Variants in LPP observed in about 807,000 individuals in gnomAD.
LPP encodes LIM domain containing preferred translocation partner in lipoma.
Under a neutral mutation model 60.4 loss-of-function variants are expected in LPP, and 38 were observed. The ratio of observed to expected loss-of-function variants is 0.63; its 90% CI spans 0.49 to 0.83. The LOEUF is 0.83. Ranked by LOEUF, LPP falls within the 40% of genes least tolerant of loss-of-function variation. The pLI, the probability that LPP is intolerant of heterozygous loss-of-function variation, is 0.00. For synonymous variants in LPP, 328 were observed against 290.8 expected (o/e 1.13, Z -1.30); for missense variants, 902 against 783.6 (o/e 1.15, Z -1.80).
At chr3:188,284,038 A>C (rs1426500531) in intron 2 of LPP, among the ~76,000 whole-genome samples, 2 of 152,014 alleles carry the variant, frequency 1.3e-5, no homozygotes, top group Non-Finnish European at 2.9e-5. Context: ...AAGCTCTGGA[A>C]ACATCCTCCA....
rs141779774 is a variant in LPP at position 188,829,267 on chromosome 3, C to T, written c.1411-36933C>T. Among the ~76,000 whole-genome samples, 783 of 152,188 alleles carry T rather than the reference C, an allele frequency of 5.1e-3. 23 individuals carry two copies. The South Asian group carries it at 0.054, about 10-fold the overall frequency. On this transcript the variant is annotated intron_variant, in intron 9 of 11. Transcript: ENST00000617246. Reference sequence around the variant, plus strand: ...AATCACCATACCTTCCCACCTCTTACGGGAATACCGAACTAATGGTCCTTG... The same window carrying T: ...AATCACCATACCTTCCCACCTCTTATGGGAATACCGAACTAATGGTCCTTG...
intron 4 of LPP, among the ~76,000 whole-genome samples, chr3:188,445,606 C>A (rs932970981): frequency 2.0e-5 from 3 of 151,748 alleles, no homozygotes; most frequent in Non-Finnish European, 4.4e-5. Flanking sequence ...CCTGCACGTT[C>A]TGCACATGTA....
intron 9 of LPP, among the ~76,000 whole-genome samples, chr3:188,775,114 A>G (rs56328760): frequency 0.34 from 50,395 of 149,686 alleles, 8,862 homozygotes; most frequent in Middle Eastern, 0.41. Flanking sequence ...GTGTAGTGGC[A>G]CAATCTTGGC....
chr3:188,247,531 C>T lies in LPP; in HGVS notation c.-67+22004C>T, dbSNP rs535543276. Among the ~76,000 whole-genome samples, 7 of 152,032 alleles carry T rather than the reference C, an allele frequency of 4.6e-5. No individual in the cohort carries two copies. The South Asian group carries it at 8.3e-4, about 18-fold the overall frequency. Reference sequence around the variant, plus strand: ...TAAAATGATGTGATCAGGCTGGGTGCGTTGGCTCATGCCTGTAATCCCAGC... The same window carrying T: ...TAAAATGATGTGATCAGGCTGGGTGTGTTGGCTCATGCCTGTAATCCCAGC... On this transcript the variant is annotated intron_variant, in intron 2 of 11. Transcript: ENST00000617246.
intron 4 of LPP, among the ~76,000 whole-genome samples, chr3:188,441,911 C>T (rs1794077393): frequency 6.6e-6 from 1 of 151,968 alleles, no homozygotes; most frequent in South Asian, 2.1e-4. Context: ...GCGTGAGCCA[C>T]CGCGCCCGGC....
chr3:188,173,936 T>C (rs1722340422), intron 1 of LPP, among the ~76,000 whole-genome samples: 1 of 152,204 alleles, frequency 6.6e-6, no homozygotes, highest in Non-Finnish European at 1.5e-5. Context: ...TTTCCCCTCA[T>C]TTTTCCTTAT....
intron 1 of LPP, among the ~76,000 whole-genome samples, chr3:188,174,591 C>G (rs1722541316): frequency 6.6e-6 from 1 of 152,032 alleles, no homozygotes; most frequent in African/African-American, 2.4e-5. Context: ...GGAGCTGAAC[C>G]CTGGAGACAT....
intron 5 of LPP, among the ~76,000 whole-genome samples, chr3:188,509,553 C>T (rs773303302): frequency 6.6e-6 from 1 of 152,082 alleles, no homozygotes; most frequent in Non-Finnish European, 1.5e-5. Flanking sequence ...GAAAAACATT[C>T]ACATTGGAAC....
intron 9 of LPP, among the ~76,000 whole-genome samples, chr3:188,815,315 C>A (rs556842993): frequency 1.3e-5 from 2 of 152,258 alleles, no homozygotes; most frequent in South Asian, 4.1e-4. Context: ...ACAATACAAG[C>A]ATAATTAGAC....
intron 7 of LPP, among the ~76,000 whole-genome samples, chr3:188,628,314 T>G (rs893829125): frequency 1.3e-4 from 20 of 149,608 alleles, no homozygotes; most frequent in Admixed American, 4.7e-4. Context: ...CCAAAAGCTG[T>G]TTTTTTTTGC....
intron 2 of LPP, among the ~76,000 whole-genome samples, chr3:188,262,721 C>G (rs1414172842): frequency 6.6e-6 from 1 of 151,670 alleles, no homozygotes; most frequent in African/African-American, 2.4e-5. Flanking sequence ...CTCTGTCTTT[C>G]TCTCTCTGTC....
In LPP at chr3:188,791,021, G is replaced by C. The variant is rs138045956; in HGVS notation, c.1410+30739G>C. ...TCAAAAATGGTAATAATCCTGCTTA[G>C]GCAGAAGCCTTGCCCTCAGTCCCAA... On this transcript the variant is annotated intron_variant, in intron 9 of 11. Transcript: ENST00000617246. Among the ~76,000 whole-genome samples, 207 of 152,128 alleles carry C rather than the reference G, an allele frequency of 1.4e-3. 1 individual carries two copies. The highest frequency in any genetic ancestry group is 2.4e-3 in the Non-Finnish European group (161 of 68,006).
At chr3:188,320,034 T>G (rs980904292) in intron 2 of LPP, among the ~76,000 whole-genome samples, 15 of 152,240 alleles carry the variant, frequency 9.9e-5, no homozygotes, top group African/African-American at 3.6e-4. Flanking sequence ...TTTCTCATGA[T>G]TAAATTGGGG....
At position 188,793,383 on chromosome 3, in the gene LPP, T is replaced by C. The variant is rs188198818; in HGVS notation, c.1410+33101T>C. Among the ~76,000 whole-genome samples the C allele has an allele frequency of 1.3e-3, 204 of 152,166 alleles. 1 individual carries two copies. The highest frequency in any genetic ancestry group is 4.7e-3 in the African/African-American group (197 of 41,520). On this transcript the variant is annotated intron_variant, in intron 9 of 11. Coordinates refer to ENST00000617246, the MANE Select transcript of LPP (RefSeq NM_001375462.1). ...TTTTAGCAGAGATGGCGTTTTGTCA[T>C]GTTGGAGAGACTGGTCTTGAACTCC...
intron 2 of LPP, among the ~76,000 whole-genome samples, chr3:188,255,811 G>C (rs986503298): frequency 6.6e-6 from 1 of 152,092 alleles, no homozygotes; most frequent in African/African-American, 2.4e-5. Flanking sequence ...TGCTCTTTGA[G>C]TTCGACCTCT....
At chr3:188,259,474 A>G (rs1732817347) in intron 2 of LPP, among the ~76,000 whole-genome samples, 2 of 152,192 alleles carry the variant, frequency 1.3e-5, no homozygotes, top group South Asian at 2.1e-4. Context: ...AGCAGCTAGA[A>G]ATAATCTTTC....
intron 8 of LPP, among the ~76,000 whole-genome samples, chr3:188,740,984 T>C (rs2150168987): frequency 6.6e-6 from 1 of 152,102 alleles, no homozygotes; most frequent in African/African-American, 2.4e-5. Context: ...TTTGATAAGA[T>C]ATCTGCAAAT....
At chr3:188,660,765 C>A (rs1032208576) in intron 7 of LPP, among the ~76,000 whole-genome samples, 7 of 152,140 alleles carry the variant, frequency 4.6e-5, no homozygotes, top group Admixed American at 1.3e-4. Context: ...ACAAATCCCA[C>A]AAATGCATAT....
intron 5 of LPP, among the ~76,000 whole-genome samples, chr3:188,517,421 T>G (rs1180310290): frequency 6.6e-6 from 1 of 152,130 alleles, no homozygotes; most frequent in Non-Finnish European, 1.5e-5. Context: ...TAGATAGAAA[T>G]AGTTTGGATA....
Sources: gnomAD v4.1 joint callset for allele counts (sites outside exome capture counted in the v4.1 genomes callset) on GRCh38, gnomAD v4.1.1 for gene constraint, MANE v1.5 for transcripts, NCBI Gene and HGNC (gene_info 2026-07-23, HGNC 2026-07-21) for gene names.